The following SYNDIG1 variants were observed in gnomAD, a reference collection of about 807,000 sequenced individuals.
The protein encoded by SYNDIG1 is synapse differentiation-inducing gene protein 1.
SYNDIG1 carries 9 observed loss-of-function variants against 19.4 expected under a neutral mutation model. That is an observed-to-expected ratio of 0.46 (90% CI 0.28 to 0.81). The LOEUF is 0.81. Ranked by LOEUF, SYNDIG1 falls within the 30% of genes least tolerant of loss-of-function variation. The pLI is 0.12. For missense variants in SYNDIG1, 311 were observed against 343.3 expected, an observed-to-expected ratio of 0.91 and a Z score of 0.74; for synonymous variants, 141 against 145.9, an observed-to-expected ratio of 0.97 and a Z score of 0.24.
At chr20:24,529,026 C>A (rs937309316) in intron 1 of SYNDIG1, among the ~76,000 whole-genome samples, 1 of 152,108 alleles carries the variant, frequency 6.6e-6, no homozygotes, top group Non-Finnish European at 1.5e-5. Context: ...CCCCTCTGGC[C>A]CTCCTCCAAA....
chr20:24,585,183 C>T (rs1191768956), intron 3 of SYNDIG1, among the ~76,000 whole-genome samples, 190 bp downstream of exon 3: 2 of 152,302 alleles, frequency 1.3e-5, no homozygotes, highest in South Asian at 2.1e-4. Context: ...GGAGGCATTC[C>T]GGCTGCCTCA....
intron 3 of SYNDIG1, among the ~76,000 whole-genome samples, chr20:24,609,579 C>T (rs769933814): frequency 2.6e-5 from 4 of 152,030 alleles, no homozygotes; most frequent in Non-Finnish European, 5.9e-5. Flanking sequence ...TCAGTGAATT[C>T]GGAAATAAAT....
chr20:24,656,465 T>C (rs1321154916), intron 3 of SYNDIG1, among the ~76,000 whole-genome samples: 2 of 152,200 alleles, frequency 1.3e-5, no homozygotes, highest in Non-Finnish European at 2.9e-5. Context: ...GCAGGCGTGC[T>C]GAGGGGCACT....
intron 2 of SYNDIG1, among the ~76,000 whole-genome samples, chr20:24,548,410 T>C (rs2057634020): frequency 1.3e-5 from 2 of 152,250 alleles, no homozygotes; most frequent in African/African-American, 2.4e-5. Flanking sequence ...TGTCTTCCCA[T>C]GTAAAAACTT....
intron 3 of SYNDIG1, among the ~76,000 whole-genome samples, chr20:24,648,418 C>T (rs1307737184): frequency 6.6e-6 from 1 of 152,220 alleles, no homozygotes; most frequent in Non-Finnish European, 1.5e-5. Flanking sequence ...ACTGAATCTT[C>T]ATTTCACTTG....
At chr20:24,653,325 G>A (rs573756759) in intron 3 of SYNDIG1, among the ~76,000 whole-genome samples, 41 of 152,290 alleles carry the variant, frequency 2.7e-4, no homozygotes, top group Non-Finnish European at 3.8e-4. Flanking sequence ...CACCACCACC[G>A]TGAGGAGGCA....
intron 2 of SYNDIG1, among the ~76,000 whole-genome samples, chr20:24,546,822 A>G (rs117040196): frequency 0.016 from 2,405 of 152,226 alleles, 32 homozygotes; most frequent in Non-Finnish European, 0.025. Context: ...ACAGAATGAC[A>G]ACTACTGAAA....
At chr20:24,656,681 A>G (rs1353091520) in intron 3 of SYNDIG1, among the ~76,000 whole-genome samples, 1 of 152,194 alleles carries the variant, frequency 6.6e-6, no homozygotes, top group Non-Finnish European at 1.5e-5. Context: ...AGGGGCTCCC[A>G]TCTCTGCTTC....
At chr20:24,481,563 G>T (rs913961933) in intron 1 of SYNDIG1, among the ~76,000 whole-genome samples, 1 of 152,208 alleles carries the variant, frequency 6.6e-6, no homozygotes, top group African/African-American at 2.4e-5. Context: ...AGATTCTGCT[G>T]ATTATAGGCA....
In SYNDIG1 at chr20:24,601,587, T is replaced by G. The variant is rs185552506; in HGVS notation, c.618+16594T>G. On this transcript the variant is annotated intron_variant, in intron 3 of 3. Coordinates refer to ENST00000376862, the MANE Select transcript of SYNDIG1 (RefSeq NM_024893.3). ...CAAAATAATCAATTTTAATAATATT[T>G]TTAAAATATGAATTTGGGCCTTTAA... Among the ~76,000 whole-genome samples, 14 of 152,334 alleles carry G rather than the reference T, an allele frequency of 9.2e-5. 1 individual carries two copies. The East Asian group carries it at 2.5e-3, about 27-fold the overall frequency.
At chr20:24,547,557 C>T (rs1490113892) in intron 2 of SYNDIG1, among the ~76,000 whole-genome samples, 7 of 152,124 alleles carry the variant, frequency 4.6e-5, no homozygotes, top group Non-Finnish European at 1.5e-5. Flanking sequence ...CGCTCATTAT[C>T]TAGTGCCACT....
chr20:24,592,720 C>T (rs1720271527), intron 3 of SYNDIG1, among the ~76,000 whole-genome samples: 1 of 152,178 alleles, frequency 6.6e-6, no homozygotes, highest in South Asian at 2.1e-4. Context: ...CTCAACCTAT[C>T]CTCACACCTC....
chr20:24,609,875 A>G lies in SYNDIG1; in HGVS notation c.618+24882A>G, dbSNP rs1474324281. Among the ~76,000 whole-genome samples the G allele has an allele frequency of 2.6e-5, 4 of 152,040 alleles. No homozygotes were observed. The South Asian group carries it at 6.2e-4, about 24-fold the overall frequency. Reference sequence around the variant, plus strand: ...CAACCTGAGCTTGTGTTTTCCAGACATGCCTGCACCCCAAGGCTTCCCCAT... The same window carrying G: ...CAACCTGAGCTTGTGTTTTCCAGACGTGCCTGCACCCCAAGGCTTCCCCAT... On this transcript the variant is annotated intron_variant, in intron 3 of 3. Coordinates refer to ENST00000376862, the MANE Select transcript of SYNDIG1 (RefSeq NM_024893.3).
intron 3 of SYNDIG1, among the ~76,000 whole-genome samples, chr20:24,645,544 G>A (rs992320483): frequency 2.0e-5 from 3 of 152,180 alleles, no homozygotes; most frequent in African/African-American, 7.2e-5. Context: ...AACGGAGAGT[G>A]AAAGAGGGAA....
chr20:24,565,658 C>T (rs796347172), intron 2 of SYNDIG1, among the ~76,000 whole-genome samples: 2 of 152,160 alleles, frequency 1.3e-5, no homozygotes, highest in African/African-American at 2.4e-5. Flanking sequence ...TTGCTTTAGC[C>T]GTTTAAAAAT....
At chr20:24,548,617 A>G (rs944980433) in intron 2 of SYNDIG1, among the ~76,000 whole-genome samples, 1 of 152,232 alleles carries the variant, frequency 6.6e-6, no homozygotes, top group Non-Finnish European at 1.5e-5. Flanking sequence ...AATAAACAGC[A>G]TTTTGAAAAT....
chr20:24,582,526 G>T (rs2058347904), intron 2 of SYNDIG1, among the ~76,000 whole-genome samples: 1 of 144,618 alleles, frequency 6.9e-6, no homozygotes, highest in Non-Finnish European at 1.5e-5. Context: ...CCTCCAAGTG[G>T]CACACCCTCC....
At chr20:24,565,616 T>A (rs1727783255) in intron 2 of SYNDIG1, among the ~76,000 whole-genome samples, 1 of 152,228 alleles carries the variant, frequency 6.6e-6, no homozygotes, top group Admixed American at 6.5e-5. Context: ...TAGGACAGAT[T>A]AGTCCATTGT....
chr20:24,500,474 T>TTTTCTTTC lies in SYNDIG1; in HGVS notation c.-79+30772_-79+30779dup, dbSNP rs138037383. On this transcript the variant is annotated intron_variant, in intron 1 of 3. Transcript: ENST00000376862. ...CTAGTTGGAAAACAAAAGCAGATTC[T>TTTTCTTTC]TTTCTTTCTTTCTTTCTTTCTTTCT... Among the ~76,000 whole-genome samples the TTTTCTTTC allele has an allele frequency of 1.5e-3, 207 of 136,368 alleles. 1 individual carries two copies. Among genetic ancestry groups the TTTTCTTTC allele is most frequent in the East Asian group, 4.1e-3 (19 of 4,620 alleles). 89.5% of individuals were successfully genotyped at this position (136,368 alleles called of 152,430 possible). A position where few individuals can be genotyped will look rare whatever the true frequency, so the allele number is the denominator to read the frequency against.
Sources: allele counts gnomAD v4.1 joint callset (sites outside exome capture counted in the v4.1 genomes callset), GRCh38; gene constraint gnomAD v4.1.1; transcripts MANE v1.5; gene names NCBI Gene and HGNC (gene_info 2026-07-23, HGNC 2026-07-21).